Variants in ACSS3 observed in about 807,000 individuals in gnomAD.
ACSS3 encodes acyl-CoA synthetase short chain family member 3.
In ACSS3, 64 loss-of-function variants were observed where a neutral mutation model predicts 84.2. The ratio of observed to expected loss-of-function variants is 0.76; its 90% CI spans 0.62 to 0.94. The LOEUF (loss-of-function observed/expected upper bound fraction) is 0.94. ACSS3 is among the 40% of genes least tolerant of loss of function. The pLI is 0.00. For missense variants in ACSS3, 815 were observed against 867.6 expected (o/e 0.94, Z 0.76); for synonymous variants, 317 against 310.1 (o/e 1.02, Z -0.23).
intron 2 of ACSS3, among the ~76,000 whole-genome samples, chr12:81,121,743 A>G (rs1259133493): frequency 6.6e-6 from 1 of 152,126 alleles, no homozygotes; most frequent in Non-Finnish European, 1.5e-5. Context: ...GAGTTCGGTG[A>G]CATGTTCCCT....
At chr12:81,119,260 C>T (rs1359154260) in intron 2 of ACSS3, among the ~76,000 whole-genome samples, 5 of 152,036 alleles carry the variant, frequency 3.3e-5, no homozygotes, top group Non-Finnish European at 7.4e-5. Context: ...TCACATGCTT[C>T]TGAGGCTAAT....
chr12:81,093,172 A>G (rs1243037379), intron 1 of ACSS3, among the ~76,000 whole-genome samples: 1 of 152,168 alleles, frequency 6.6e-6, no homozygotes, highest in East Asian at 1.9e-4. Flanking sequence ...ATTCTGAGCC[A>G]GACGCAGTGG....
chr12:81,153,628 G>C (rs2135758912), intron 7 of ACSS3, among the ~76,000 whole-genome samples: 1 of 152,218 alleles, frequency 6.6e-6, no homozygotes, highest in South Asian at 2.1e-4. Context: ...CAAATATAAG[G>C]CTCTCTCTCA....
chr12:81,121,075 C>T (rs1448295879), intron 2 of ACSS3, among the ~76,000 whole-genome samples: 1 of 152,150 alleles, frequency 6.6e-6, no homozygotes, highest in Non-Finnish European at 1.5e-5. Flanking sequence ...ACTGACCCAG[C>T]TATTGCAATG....
chr12:81,112,127 CTA>C (rs1296991864), intron 2 of ACSS3, among the ~76,000 whole-genome samples: 2 of 152,170 alleles, frequency 1.3e-5, no homozygotes, highest in South Asian at 2.1e-4. Context: ...CTATTATAAT[CTA>C]TGTTTTGTTT....
chr12:81,259,722 T>C lies in ACSS3; in HGVS notation c.*4800T>C. The stretch of plus-strand genomic sequence containing the variant: ...AGTCCCAGACTGGGAAATCTCATTC[T>C]ACTCCTCTGTGGTGTACCTCCACGC... On this transcript the variant is annotated 3_prime_UTR_variant, in exon 16 of 16. Coordinates refer to ENST00000548058, the MANE Select transcript of ACSS3 (RefSeq NM_024560.4). The C allele has an allele frequency of 2.1e-6, 3 of 1,438,194 alleles. No individual in the cohort carries two copies. The highest frequency in any genetic ancestry group is 2.5e-5 in the East Asian group (1 of 40,376). 89.1% of individuals were successfully genotyped at this position (1,438,194 alleles called of 1,614,324 possible). A position where few individuals can be genotyped will look rare whatever the true frequency, so the allele number is the denominator to read the frequency against.
chr12:81,206,227 G>T (rs11835638), intron 9 of ACSS3, among the ~76,000 whole-genome samples: 1 of 151,806 alleles, frequency 6.6e-6, no homozygotes, highest in Non-Finnish European at 1.5e-5. Context: ...CACTATGGTG[G>T]GAGGGTTTCT....
chr12:81,146,012 C>A (rs986561777), intron 5 of ACSS3, among the ~76,000 whole-genome samples: 1 of 152,204 alleles, frequency 6.6e-6, no homozygotes, highest in East Asian at 1.9e-4. Flanking sequence ...TTTTACATTA[C>A]CAACAGACCT....
intron 8 of ACSS3, among the ~76,000 whole-genome samples, chr12:81,196,943 C>T (rs1012727054): frequency 3.3e-5 from 5 of 152,112 alleles, no homozygotes; most frequent in African/African-American, 4.8e-5. Flanking sequence ...AACAGGTATC[C>T]TAACTATATC....
At chr12:81,173,160 G>A (rs2030207928) in intron 7 of ACSS3, among the ~76,000 whole-genome samples, 2 of 152,116 alleles carry the variant, frequency 1.3e-5, no homozygotes, top group South Asian at 4.1e-4. Context: ...AAAATAAAAT[G>A]TTTACCTTGT....
intron 2 of ACSS3, among the ~76,000 whole-genome samples, chr12:81,129,213 T>C (rs1885321917): frequency 6.6e-6 from 1 of 152,018 alleles, no homozygotes; most frequent in South Asian, 2.1e-4. Flanking sequence ...CAGAAGAGGG[T>C]GGATGGGAGA....
At chr12:81,229,535 A>G (rs2033385730) in intron 11 of ACSS3, among the ~76,000 whole-genome samples, 1 of 151,864 alleles carries the variant, frequency 6.6e-6, no homozygotes, top group Admixed American at 6.6e-5. Flanking sequence ...TGATGTAGTG[A>G]TGTTATTTGT....
intron 7 of ACSS3, among the ~76,000 whole-genome samples, chr12:81,163,855 CAAT>C (rs917127705): frequency 5.3e-5 from 8 of 152,104 alleles, no homozygotes; most frequent in Non-Finnish European, 7.4e-5. Flanking sequence ...TTCAGTTGTA[CAAT>C]GTGTTTGTCT....
intron 7 of ACSS3, among the ~76,000 whole-genome samples, chr12:81,154,973 T>C (rs1453642615): frequency 6.6e-6 from 1 of 152,180 alleles, no homozygotes; most frequent in Admixed American, 6.5e-5. Flanking sequence ...TTCTCTCACG[T>C]TCTTGGGCTG....
At chr12:81,196,904 G>A (rs961263688) in intron 8 of ACSS3, among the ~76,000 whole-genome samples, 3 of 151,976 alleles carry the variant, frequency 2.0e-5, no homozygotes, top group East Asian at 1.9e-4. Context: ...AATACTGGGG[G>A]GTCACATTTC....
rs576063459 is a variant in ACSS3 at position 81,232,707 on chromosome 12, A to G, written c.1597-642A>G. 9.2e-5 allele frequency among the ~76,000 whole-genome samples: 14 copies of G among 151,884 alleles called. No homozygotes were observed. The South Asian group carries it at 2.9e-3, about 31-fold the overall frequency. ...CTAAGAAACACAATAGTGGCTTTCC[A>G]GGATTTGTACTGAAGTCCATGTTCA... On this transcript the variant is annotated intron_variant, in intron 12 of 15. Coordinates refer to ENST00000548058, the MANE Select transcript of ACSS3 (RefSeq NM_024560.4).
intron 2 of ACSS3, among the ~76,000 whole-genome samples, chr12:81,121,177 A>G (rs1241745367): frequency 6.6e-6 from 1 of 152,198 alleles, no homozygotes; most frequent in Non-Finnish European, 1.5e-5. Context: ...GTATTGATCA[A>G]AGAAACTGTA....
chr12:81,199,197 C>T, intron 8 of ACSS3, 144 bp from the exon 9 acceptor site: 1 of 643,264 alleles, frequency 1.6e-6, no homozygotes, highest in Non-Finnish European at 2.5e-6. Flanking sequence ...AAATGACTCT[C>T]ATCATTATAC....
At chr12:81,201,824 A>T (rs2032122607) in intron 9 of ACSS3, among the ~76,000 whole-genome samples, 1 of 152,218 alleles carries the variant, frequency 6.6e-6, no homozygotes, top group African/African-American at 2.4e-5. Flanking sequence ...ATAGGTAGCT[A>T]GTAGCTAGAT....
Sources: gnomAD v4.1 joint callset for allele counts (sites outside exome capture counted in the v4.1 genomes callset) on GRCh38, gnomAD v4.1.1 for gene constraint, MANE v1.5 for transcripts, NCBI Gene and HGNC (gene_info 2026-07-23, HGNC 2026-07-21) for gene names.